GCH1: variants seen among roughly 807,000 people sequenced by gnomAD.
GCH1 encodes the protein GTP cyclohydrolase 1.
GCH1 carries 5 observed loss-of-function variants against 25.9 expected under a neutral mutation model. The ratio of observed to expected loss-of-function variants is 0.19; its 90% CI spans 0.10 to 0.41. GCH1 has a LOEUF of 0.41. Ranked by LOEUF, GCH1 falls within the 10% of genes least tolerant of loss-of-function variation. The pLI, the probability that GCH1 is intolerant of heterozygous loss-of-function variation, is 1.00. For missense variants in GCH1, 261 were observed against 336.5 expected (o/e 0.78, Z 1.75); for synonymous variants, 159 against 129.6 (o/e 1.23, Z -1.54).
At chr14:54,897,596 T>C (rs995671014) in intron 1 of GCH1, among the ~76,000 whole-genome samples, 16 of 144,064 alleles carry the variant, frequency 1.1e-4, no homozygotes, top group African/African-American at 4.3e-4. Flanking sequence ...GCTACTCCAC[T>C]TTTTTTTTTA....
At chr14:54,882,158 T>C (rs1408533730) in intron 1 of GCH1, among the ~76,000 whole-genome samples, 2 of 152,162 alleles carry the variant, frequency 1.3e-5, no homozygotes, top group African/African-American at 4.8e-5. Flanking sequence ...GCACGCACAG[T>C]GGTTCAAGAT....
intron 5 of GCH1, among the ~76,000 whole-genome samples, chr14:54,845,477 CA>C (rs202052423): frequency 1.3e-3 from 178 of 137,504 alleles, no homozygotes; most frequent in Admixed American, 1.8e-3. Flanking sequence ...GGCTCCATCT[CA>C]AAAAAAAAAA....
chr14:54,891,387 T>C lies in GCH1; in HGVS notation c.343+10934A>G, dbSNP rs939482361. On this transcript the variant is annotated intron_variant, in intron 1 of 5. Coordinates refer to ENST00000491895, the MANE Select transcript of GCH1 (RefSeq NM_000161.3). ...TCCCAAGGTGCTGGGATTACAGGCA[T>C]GAGCCATCATGCCTGGCATTTTTTT... Among the ~76,000 whole-genome samples, 3 of 149,324 alleles carry C rather than the reference T, an allele frequency of 2.0e-5. No individual in the cohort carries two copies. In the East Asian group the frequency reaches 5.9e-4, roughly 29 times the overall value.
intron 1 of GCH1, among the ~76,000 whole-genome samples, chr14:54,867,512 C>A (rs1305748726): frequency 7.3e-6 from 1 of 137,532 alleles, no homozygotes; most frequent in East Asian, 2.3e-4. Flanking sequence ...TGCTTGAACC[C>A]GGGATGTGGA....
rs542218082 is a variant in GCH1 at position 54,889,076 on chromosome 14, G to A, written c.343+13245C>T. On this transcript the variant is annotated intron_variant, in intron 1 of 5. Transcript: ENST00000491895. The stretch of plus-strand genomic sequence containing the variant: ...GCCTCCGTGGAGGCAAAGCCTGACA[G>A]CACTAACAGCTGGAGGCTGTCAGCA... Among the ~76,000 whole-genome samples, 4 of 152,306 alleles carry A rather than the reference G, an allele frequency of 2.6e-5. No individual in the cohort carries two copies. In the East Asian group the frequency reaches 5.8e-4, roughly 22 times the overall value.
At chr14:54,886,395 G>A (rs749079943) in intron 1 of GCH1, among the ~76,000 whole-genome samples, 2 of 152,044 alleles carry the variant, frequency 1.3e-5, no homozygotes, top group Non-Finnish European at 2.9e-5. Flanking sequence ...GGTGGATCAC[G>A]AGGTCAGGAG....
rs886050543 is a variant in GCH1, at chr14:54,842,544, T to A, written c.*1473A>T. 6.5e-6 allele frequency: 1 copy of A among 152,816 alleles called. No individual in the cohort carries two copies. The highest frequency in any genetic ancestry group is 1.5e-5 in the Non-Finnish European group (1 of 68,526). The allele number at this position is 152,816 out of a possible 1,614,324, so 9.5% of individuals were successfully genotyped here. A position where few individuals can be genotyped will look rare whatever the true frequency, so the allele number is the denominator to read the frequency against. ...GAAAGAAAAAGCTAGGAAACAGAAG[T>A]AGAGAGGAATGGAAAAAAACAAAAA... On this transcript the variant is annotated 3_prime_UTR_variant, in exon 6 of 6. Transcript: ENST00000491895.
chr14:54,881,816 G>A (rs1272062562), intron 1 of GCH1, among the ~76,000 whole-genome samples: 1 of 152,176 alleles, frequency 6.6e-6, no homozygotes, highest in Non-Finnish European at 1.5e-5. Context: ...TTCATATGTT[G>A]CTCTTAGCTA....
intron 1 of GCH1, among the ~76,000 whole-genome samples, chr14:54,883,221 A>G (rs2040296731): frequency 6.6e-6 from 1 of 150,830 alleles, no homozygotes; most frequent in South Asian, 2.1e-4. Context: ...AAAGTCCAAA[A>G]ATTAGCCGGG....
rs187271949 is a variant in GCH1 at position 54,854,442 on chromosome 14, T to A, written c.509+5239A>T. 3.0e-3 allele frequency among the ~76,000 whole-genome samples: 455 copies of A among 152,168 alleles called. 1 individual carries two copies. The highest frequency in any genetic ancestry group is 5.1e-3 in the Non-Finnish European group (348 of 67,998). On this transcript the variant is annotated intron_variant, in intron 3 of 5. Coordinates refer to ENST00000491895, the MANE Select transcript of GCH1 (RefSeq NM_000161.3). ...GTGAGCACACGCAGCAGTGGATGGG[T>A]TCTGCCTCACTCCTCACCCCAAAAT...
At chr14:54,878,684 G>C (rs2040198532) in intron 1 of GCH1, among the ~76,000 whole-genome samples, 1 of 152,214 alleles carries the variant, frequency 6.6e-6, no homozygotes, top group African/African-American at 2.4e-5. Context: ...ACACTTCCCT[G>C]TAACACCATG....
intron 1 of GCH1, among the ~76,000 whole-genome samples, chr14:54,899,489 T>C (rs1417732067): frequency 6.6e-6 from 1 of 151,814 alleles, no homozygotes; most frequent in African/African-American, 2.4e-5. Flanking sequence ...ATAATAATAA[T>C]CTTAAATGGT....
At chr14:54,859,526 T>G (rs1405238291) in intron 3 of GCH1, among the ~76,000 whole-genome samples, 155 bp downstream of exon 3, 1 of 152,182 alleles carries the variant, frequency 6.6e-6, no homozygotes, top group Non-Finnish European at 1.5e-5. Flanking sequence ...GGAAGGGGCA[T>G]CTGTGTTTCA....
chr14:54,874,223 C>A (rs1325217127), intron 1 of GCH1, among the ~76,000 whole-genome samples: 1 of 152,170 alleles, frequency 6.6e-6, no homozygotes, highest in African/African-American at 2.4e-5. Flanking sequence ...AGCATATAAA[C>A]AGAATCAATG....
chr14:54,846,978 C>T (rs992352349), intron 4 of GCH1, 121 bp downstream of exon 4: 26 of 476,216 alleles, frequency 5.5e-5, no homozygotes, highest in Non-Finnish European at 3.9e-6. Context: ...TGCAGTGAGC[C>T]GAGATTGCAC....
Position 54,844,029 on chromosome 14 carries a change from G to A in GCH1, c.741C>T (p.Leu247=). ...DPKTREEFLT[L]IRS Reference sequence around the variant, plus strand: ...CACTGAATGAAGCTCAGCTCCTAATGAGAGTCAGGAACTCTTCCCGAGTCT... The same window carrying A: ...CACTGAATGAAGCTCAGCTCCTAATAAGAGTCAGGAACTCTTCCCGAGTCT... The change falls in exon 6 of 6, where the codon CTC becomes CTT. Residue 247 remains leucine, a synonymous_variant. Transcript: ENST00000491895. 1 of 1,614,022 alleles carries A rather than the reference G, an allele frequency of 6.2e-7. No individual in the cohort carries two copies.
intron 4 of GCH1, 97 bp from the exon 5 acceptor site, chr14:54,845,949 T>C: frequency 1.3e-6 from 1 of 791,576 alleles, no homozygotes; most frequent in Non-Finnish European, 2.3e-6. Flanking sequence ...AAATCAGACT[T>C]CTGTGAGATT....
intron 1 of GCH1, among the ~76,000 whole-genome samples, chr14:54,894,277 A>T (rs1330751322): frequency 6.6e-6 from 1 of 152,190 alleles, no homozygotes. Context: ...TGACATTCTT[A>T]TAAGACAAAA....
At chr14:54,899,868 CTT>C (rs145278590) in intron 1 of GCH1, among the ~76,000 whole-genome samples, 3 of 145,502 alleles carry the variant, frequency 2.1e-5, no homozygotes, top group Non-Finnish European at 4.5e-5. Flanking sequence ...CATCCATGGA[CTT>C]TTTTTTTTTT....
Sources: gnomAD v4.1 joint callset for allele counts (sites outside exome capture counted in the v4.1 genomes callset) on GRCh38, gnomAD v4.1.1 for gene constraint, MANE v1.5 for transcripts, NCBI Gene and HGNC (gene_info 2026-07-23, HGNC 2026-07-21) for gene names.